The following CHD6 variants were observed in gnomAD, a reference collection of about 807,000 sequenced individuals.
The protein encoded by CHD6 is chromodomain helicase DNA binding protein 6, also known as ATP-dependent chromatin remodeler CHD6.
CHD6 carries 50 observed loss-of-function variants against 276.9 expected under a neutral mutation model. That is an observed-to-expected ratio of 0.18 (90% CI 0.14 to 0.23). The LOEUF is 0.23. Ranked by LOEUF, CHD6 falls within the 10% of genes least tolerant of loss-of-function variation. CHD6 has a pLI of 1.00. For missense variants in CHD6, 2,564 were observed against 3,365.8 expected (o/e 0.76, Z 5.89); for synonymous variants, 1,173 against 1,229.3 (o/e 0.95, Z 0.96).
intron 26 of CHD6, among the ~76,000 whole-genome samples, chr20:41,439,230 C>T (rs1168188594): frequency 6.6e-6 from 1 of 152,040 alleles, no homozygotes; most frequent in Non-Finnish European, 1.5e-5. Flanking sequence ...GTGGCACGTG[C>T]CTGTAGTTCC....
At chr20:41,577,584 G>A (rs1405223517) in intron 1 of CHD6, among the ~76,000 whole-genome samples, 1 of 152,216 alleles carries the variant, frequency 6.6e-6, no homozygotes, top group African/African-American at 2.4e-5. Flanking sequence ...CCTTTACGTG[G>A]ACATGTAGTG....
chr20:41,575,531 A>C (rs1442387406), intron 1 of CHD6, among the ~76,000 whole-genome samples: 2 of 152,208 alleles, frequency 1.3e-5, no homozygotes, highest in Non-Finnish European at 2.9e-5. Context: ...ACTGGTGCCA[A>C]AGGAGGGCCC....
chr20:41,416,825 A>C, intron 32 of CHD6, 31 bp from the exon 33 acceptor site: 1 of 1,465,316 alleles, frequency 6.8e-7, no homozygotes, highest in Non-Finnish European at 9.1e-7. Context: ...CTGATGAATA[A>C]GGATCGAGTT....
Position 41,421,698 on chromosome 20 carries a change from G to A in CHD6, c.4937C>T (p.Ser1646Phe), listed in dbSNP as rs771966325. The A allele has an allele frequency of 3.2e-5, 51 of 1,613,826 alleles. No individual in the cohort carries two copies. The highest frequency in any genetic ancestry group is 3.9e-5 in the Non-Finnish European group (46 of 1,179,892). Reference sequence around the variant, plus strand: ...GGACTCTGAAGTCCTACTCATTTGAGAATATGTAAGAGATTCATATAACTT... The same window carrying A: ...GGACTCTGAAGTCCTACTCATTTGAAAATATGTAAGAGATTCATATAACTT... ...NSKLYESLTYSQMSRTSESLE... is the reference protein window; with the variant it reads ...NSKLYESLTYFQMSRTSESLE... Residue 1646 changes from serine (S) to phenylalanine (F), a missense_variant, in exon 31 of 37, where the codon TCT (serine) becomes TTT (phenylalanine). Transcript: ENST00000373233.
intron 17 of CHD6, among the ~76,000 whole-genome samples, chr20:41,460,334 A>T (rs1234691572): frequency 6.6e-6 from 1 of 152,272 alleles, no homozygotes; most frequent in Non-Finnish European, 1.5e-5. Context: ...AGAAATTTGC[A>T]TAAGTAACAA....
intron 29 of CHD6, among the ~76,000 whole-genome samples, chr20:41,424,678 C>T (rs1431841467): frequency 1.3e-5 from 2 of 152,236 alleles, no homozygotes; most frequent in Non-Finnish European, 2.9e-5. Flanking sequence ...CTAGCCTATG[C>T]TGGCCTTCTG....
Position 41,587,195 on chromosome 20 carries a change from T to G in CHD6, c.-24+31145A>C, listed in dbSNP as rs2045605183. ...AGAAACAATTGCAAATTAACATTTTTTAAAGTACCATTTAAAATAGTGTCC... is the reference window on the plus strand; with the variant it reads ...AGAAACAATTGCAAATTAACATTTTGTAAAGTACCATTTAAAATAGTGTCC... On this transcript the variant is annotated intron_variant, in intron 1 of 36. Transcript: ENST00000373233. Among the ~76,000 whole-genome samples the G allele has an allele frequency of 2.0e-5, 3 of 152,228 alleles. No individual in the cohort carries two copies. The South Asian group carries it at 6.2e-4, about 32-fold the overall frequency.
intron 31 of CHD6, among the ~76,000 whole-genome samples, chr20:41,419,643 A>G (rs557732770): frequency 6.6e-6 from 1 of 150,622 alleles, no homozygotes; most frequent in East Asian, 1.9e-4. Context: ...CCTCTTTAAC[A>G]TAAAATCAGT....
At chr20:41,537,471 G>C (rs1347762415) in intron 2 of CHD6, among the ~76,000 whole-genome samples, 1 of 152,106 alleles carries the variant, frequency 6.6e-6, no homozygotes. Flanking sequence ...TTTTAAATAA[G>C]GGACTTGAGC....
Position 41,595,224 on chromosome 20 carries a change from C to T in CHD6, c.-24+23116G>A, listed in dbSNP as rs550359250. Among the ~76,000 whole-genome samples the T allele has an allele frequency of 3.3e-5, 5 of 152,220 alleles. No homozygotes were observed. In the South Asian group the frequency reaches 1.0e-3, roughly 32 times the overall value. ...TGGCGACCCAGTAACTGTGCACAGA[C>T]CAATGTAAGAAAATCCATGGGGCAG... On this transcript the variant is annotated intron_variant, in intron 1 of 36. Coordinates refer to ENST00000373233, the MANE Select transcript of CHD6 (RefSeq NM_032221.5).
intron 1 of CHD6, among the ~76,000 whole-genome samples, chr20:41,617,420 C>G (rs1601201901): frequency 6.6e-6 from 1 of 152,152 alleles, no homozygotes; most frequent in East Asian, 1.9e-4. Flanking sequence ...TTAATTGTAT[C>G]AAATAAAACT....
intron 23 of CHD6, 96 bp from the exon 24 acceptor site, chr20:41,448,067 C>A: frequency 3.2e-6 from 2 of 617,160 alleles, no homozygotes; most frequent in African/African-American, 1.9e-5. Context: ...CTGGGCATTC[C>A]CATGTAGTTA....
chr20:41,460,348 G>A (rs2048505141), intron 17 of CHD6, among the ~76,000 whole-genome samples: 1 of 152,236 alleles, frequency 6.6e-6, no homozygotes, highest in South Asian at 2.1e-4. Context: ...GTAACAAGAA[G>A]CCTAATGTTA....
intron 27 of CHD6, among the ~76,000 whole-genome samples, chr20:41,430,319 T>C (rs1426753426): frequency 6.6e-6 from 1 of 152,244 alleles, no homozygotes; most frequent in Non-Finnish European, 1.5e-5. Context: ...ACAAAAGTAA[T>C]TCCAGAGTTT....
At chr20:41,503,529 T>A (rs990678466) in intron 5 of CHD6, among the ~76,000 whole-genome samples, 1 of 152,216 alleles carries the variant, frequency 6.6e-6, no homozygotes, top group South Asian at 2.1e-4. Context: ...CATTCAATAT[T>A]GTACTACTTA....
rs551355299 is a variant in CHD6 at position 41,493,739 on chromosome 20, C to A, written c.1180-67G>T. On this transcript the variant is annotated intron_variant, in intron 9 of 36. Transcript: ENST00000373233. Reference sequence around the variant, plus strand: ...TAAAGGAGTCAGTAGTATCTGCCAACCTCTGAAAAACCACCCTACGTGACT... The same window carrying A: ...TAAAGGAGTCAGTAGTATCTGCCAAACTCTGAAAAACCACCCTACGTGACT... 2.6e-5 allele frequency: 42 copies of A among 1,594,150 alleles called. No individual in the cohort carries two copies. In the South Asian group the frequency reaches 4.2e-4, roughly 16 times the overall value.
chr20:41,614,491 A>T (rs1487166465), intron 1 of CHD6, among the ~76,000 whole-genome samples: 2 of 152,226 alleles, frequency 1.3e-5, no homozygotes, highest in Non-Finnish European at 2.9e-5. Flanking sequence ...TATACACCCC[A>T]TTACAAATTC....
chr20:41,420,817 A>G lies in CHD6; in HGVS notation c.5818T>C (p.Cys1940Arg). 6.2e-7 allele frequency: 1 copy of G among 1,614,210 alleles called. No homozygotes were observed. Among genetic ancestry groups the G allele is most frequent in the Non-Finnish European group, 8.5e-7 (1 of 1,180,030 alleles). The change falls in exon 31 of 37, where the codon TGC becomes CGC. Residue 1940 changes from cysteine (C) to arginine (R), a missense_variant. This residue lies in a region of CHD6 where 1,024 missense variants were observed against 1,047.9 expected (regional missense o/e 0.98). Coordinates refer to ENST00000373233, the MANE Select transcript of CHD6 (RefSeq NM_032221.5). ...FPAPAACQCH[C>R]KHMERWMHGL... The stretch of plus-strand genomic sequence containing the variant: ...TGCATCCACCTCTCCATGTGTTTGC[A>G]GTGGCACTGACAGGCTGCTGGAGCG...
At chr20:41,414,975 C>T in intron 34 of CHD6, 1 of 1,401,016 alleles carries the variant, frequency 7.1e-7, no homozygotes, top group Non-Finnish European at 9.2e-7. Flanking sequence ...TGGCTCATTT[C>T]TCCAGGCTGT....
Sources: allele counts gnomAD v4.1 joint callset (sites outside exome capture counted in the v4.1 genomes callset), GRCh38; gene constraint gnomAD v4.1.1; regional missense constraint gnomAD v4.1.1; transcripts MANE v1.5; gene names NCBI Gene and HGNC (gene_info 2026-07-23, HGNC 2026-07-21).